PTPRD: variants seen among roughly 807,000 people sequenced by gnomAD.
PTPRD encodes protein tyrosine phosphatase receptor type D.
In PTPRD, 34 loss-of-function variants were observed where a neutral mutation model predicts 214.5. The ratio of observed to expected loss-of-function variants is 0.16; its 90% confidence interval spans 0.12 to 0.21. The LOEUF is 0.21. Among genes scored for constraint, PTPRD ranks in the 10% least tolerant of loss-of-function variants. The pLI, the probability that PTPRD is intolerant of heterozygous loss-of-function variation, is 1.00. For synonymous variants in PTPRD, 1,128 were observed against 845.7 expected (o/e 1.33, Z -5.79); for missense variants, 2,545 against 2,398.7 (o/e 1.06, Z -1.27).
intron 11 of PTPRD, among the ~76,000 whole-genome samples, chr9:8,980,289 G>T (rs1471707845): frequency 6.6e-6 from 1 of 151,980 alleles, no homozygotes; most frequent in Non-Finnish European, 1.5e-5. Flanking sequence ...CAGATATGTA[G>T]ATGAACAAGT....
intron 21 of PTPRD, among the ~76,000 whole-genome samples, chr9:8,516,038 C>T (rs1592519357): frequency 6.6e-6 from 1 of 152,192 alleles, no homozygotes; most frequent in African/African-American, 2.4e-5. Flanking sequence ...AAAATAATCA[C>T]AGCTGAGAAA....
intron 7 of PTPRD, among the ~76,000 whole-genome samples, chr9:9,653,431 C>A (rs1174618547): frequency 7.6e-6 from 1 of 132,376 alleles, no homozygotes; most frequent in Non-Finnish European, 1.6e-5. Context: ...TAATGGTTAG[C>A]AAATATAGGT....
At chr9:8,765,620 G>C (rs962933616) in intron 11 of PTPRD, among the ~76,000 whole-genome samples, 5 of 152,124 alleles carry the variant, frequency 3.3e-5, no homozygotes, top group African/African-American at 1.2e-4. Context: ...CTGCAACCTC[G>C]TAACAGATCC....
At position 10,579,904 on chromosome 9, in the gene PTPRD, C is replaced by CT. The variant is rs933435113; in HGVS notation, c.-600+32493dup. On this transcript the variant is annotated intron_variant, in intron 2 of 45. Transcript: ENST00000381196. ...GTTTGTTGGCCACTTGAATGCCTTT[C>CT]TTTTTTTTAAGAAGTGTCTATTCAT... Among the ~76,000 whole-genome samples, 20 of 151,822 alleles carry CT rather than the reference C, an allele frequency of 1.3e-4. No individual in the cohort carries two copies. In the South Asian group the frequency reaches 2.3e-3, roughly 17 times the overall value.
At chr9:9,788,550 TCAA>T (rs2098943457) in intron 5 of PTPRD, among the ~76,000 whole-genome samples, 1 of 27,932 alleles carries the variant, frequency 3.6e-5, no homozygotes, top group Non-Finnish European at 6.7e-5. Flanking sequence ...AAGCTCCGTC[TCAA>T]AAAAAAAAAA....
At chr9:10,269,929 A>G (rs1313246924) in intron 3 of PTPRD, among the ~76,000 whole-genome samples, 4 of 152,212 alleles carry the variant, frequency 2.6e-5, no homozygotes, top group Non-Finnish European at 4.4e-5. Flanking sequence ...CCAAGTATGT[A>G]TAATATGACA....
At chr9:9,813,323 A>C (rs1198795688) in intron 5 of PTPRD, among the ~76,000 whole-genome samples, 1 of 152,038 alleles carries the variant, frequency 6.6e-6, no homozygotes, top group Non-Finnish European at 1.5e-5. Flanking sequence ...TGGATACTAG[A>C]AAGACAATTA....
chr9:9,160,581 G>C (rs553991244), intron 10 of PTPRD, among the ~76,000 whole-genome samples: 2 of 152,198 alleles, frequency 1.3e-5, no homozygotes, highest in African/African-American at 4.8e-5. Context: ...TTTGCTGGTG[G>C]AAATATAAAT....
intron 9 of PTPRD, among the ~76,000 whole-genome samples, chr9:9,322,053 C>G (rs1011225204): frequency 1.3e-5 from 2 of 152,102 alleles, no homozygotes; most frequent in African/African-American, 4.8e-5. Flanking sequence ...TCTGATTTCT[C>G]AAGGCCTGAA....
At chr9:9,084,875 T>C (rs890881936) in intron 10 of PTPRD, among the ~76,000 whole-genome samples, 9 of 152,180 alleles carry the variant, frequency 5.9e-5, no homozygotes, top group African/African-American at 2.2e-4. Flanking sequence ...TTTTCTCTAA[T>C]GTTTAAATAT....
intron 21 of PTPRD, among the ~76,000 whole-genome samples, chr9:8,515,543 A>G (rs906624107): frequency 2.0e-5 from 3 of 152,158 alleles, no homozygotes; most frequent in African/African-American, 7.2e-5. Flanking sequence ...AGATGAGGCC[A>G]TAAGAGTGAC....
chr9:9,738,680 G>C (rs1446041289), intron 6 of PTPRD, among the ~76,000 whole-genome samples: 1 of 151,960 alleles, frequency 6.6e-6, no homozygotes, highest in Admixed American at 6.5e-5. Flanking sequence ...GACCTCAAGT[G>C]ATCTGCCTGC....
intron 9 of PTPRD, among the ~76,000 whole-genome samples, chr9:9,303,279 T>C (rs185514245): frequency 2.0e-5 from 3 of 152,004 alleles, no homozygotes; most frequent in African/African-American, 7.2e-5. Context: ...TGGTTTGTCA[T>C]TCTCAAATAT....
intron 14 of PTPRD, among the ~76,000 whole-genome samples, chr9:8,548,988 G>C (rs2081182975): frequency 6.6e-6 from 1 of 151,942 alleles, no homozygotes; most frequent in African/African-American, 2.4e-5. Flanking sequence ...ACCGTGCCCG[G>C]GCCACAGCTG....
intron 11 of PTPRD, among the ~76,000 whole-genome samples, chr9:8,738,322 T>C (rs144209805): frequency 1.3e-5 from 2 of 152,218 alleles, no homozygotes; most frequent in Non-Finnish European, 2.9e-5. Flanking sequence ...GTAATAAGTA[T>C]ATTCATATTC....
intron 11 of PTPRD, among the ~76,000 whole-genome samples, chr9:8,790,656 C>A (rs2096192706): frequency 6.6e-6 from 1 of 151,912 alleles, no homozygotes; most frequent in Admixed American, 6.6e-5. Flanking sequence ...AATATCTAAG[C>A]ATACCTTAGT....
At chr9:10,164,812 G>A (rs896701838) in intron 3 of PTPRD, among the ~76,000 whole-genome samples, 5 of 151,004 alleles carry the variant, frequency 3.3e-5, no homozygotes, top group African/African-American at 4.9e-5. Context: ...AAGGTTTAAA[G>A]GTTTTAGAAA....
At chr9:8,639,394 G>T (rs1027801382) in intron 12 of PTPRD, among the ~76,000 whole-genome samples, 7 of 152,068 alleles carry the variant, frequency 4.6e-5, no homozygotes, top group Middle Eastern at 3.4e-3. Flanking sequence ...GTACAATACT[G>T]TCATTTTTAG....
chr9:9,242,562 ACTTCT>A (rs2099970896), intron 9 of PTPRD, among the ~76,000 whole-genome samples: 1 of 151,758 alleles, frequency 6.6e-6, no homozygotes, highest in Non-Finnish European at 1.5e-5. Flanking sequence ...TTTTCTCTAA[ACTTCT>A]CTTCTCGCTT....
Sources: allele counts gnomAD v4.1 joint callset (sites outside exome capture counted in the v4.1 genomes callset), GRCh38; gene constraint gnomAD v4.1.1; transcripts MANE v1.5; gene names NCBI Gene and HGNC (gene_info 2026-07-23, HGNC 2026-07-21).